The following SORCS2 variants were observed in gnomAD, a reference collection of about 807,000 sequenced individuals.
The protein encoded by SORCS2 is sortilin related VPS10 domain containing receptor 2.
Under a neutral mutation model 141.6 loss-of-function variants are expected in SORCS2, and 100 were observed. The ratio of observed to expected loss-of-function variants is 0.71; its 90% CI spans 0.60 to 0.83. The LOEUF is 0.83. Ranked by LOEUF, SORCS2 falls within the 40% of genes least tolerant of loss-of-function variation. SORCS2 has a pLI of 0.00. For synonymous variants in SORCS2, 789 were observed against 676.9 expected (o/e 1.17, Z -2.57); for missense variants, 1,646 against 1,560.2 (o/e 1.05, Z -0.93).
chr4:7,410,156 G>A (rs1356450452), intron 2 of SORCS2, among the ~76,000 whole-genome samples: 1 of 152,218 alleles, frequency 6.6e-6, no homozygotes, highest in Non-Finnish European at 1.5e-5. Context: ...GCTGTCCTGG[G>A]TATCACAGCA....
chr4:7,287,514 C>G (rs1448860697), intron 1 of SORCS2, among the ~76,000 whole-genome samples: 2 of 152,254 alleles, frequency 1.3e-5, no homozygotes, highest in Non-Finnish European at 2.9e-5. Context: ...CTTTTGGCAG[C>G]AGGAGCCCCT....
intron 1 of SORCS2, among the ~76,000 whole-genome samples, chr4:7,265,873 C>G (rs375723481): frequency 2.0e-5 from 3 of 152,250 alleles, no homozygotes; most frequent in South Asian, 4.1e-4. Flanking sequence ...GAGGGAGGGG[C>G]TGGCTCTGCT....
rs183920624 is a variant in SORCS2, at chr4:7,355,852, C to T, written c.481-40436C>T. Among the ~76,000 whole-genome samples, 215 of 152,360 alleles carry T rather than the reference C, an allele frequency of 1.4e-3. 1 individual carries two copies. The highest frequency in any genetic ancestry group is 4.8e-3 in the African/African-American group (198 of 41,596). On this transcript the variant is annotated intron_variant, in intron 1 of 26. Transcript: ENST00000507866. ...GCTGTGCTGCTTTTCTGAGTGAGAT[C>T]CAGGAATCAAGGGCCATGGGGCTTC...
intron 1 of SORCS2, among the ~76,000 whole-genome samples, chr4:7,338,482 G>C (rs1485002185): frequency 3.3e-5 from 5 of 152,212 alleles, no homozygotes; most frequent in African/African-American, 1.2e-4. Context: ...CCGCCGAACA[G>C]AGCCCATAGA....
At chr4:7,273,026 G>C (rs1715248023) in intron 1 of SORCS2, among the ~76,000 whole-genome samples, 1 of 152,242 alleles carries the variant, frequency 6.6e-6, no homozygotes, top group African/African-American at 2.4e-5. Context: ...AGGCTGCAGG[G>C]TTGTTTCTGA....
At chr4:7,584,535 C>G (rs766999190) in intron 3 of SORCS2, among the ~76,000 whole-genome samples, 1 of 152,162 alleles carries the variant, frequency 6.6e-6, no homozygotes, top group Non-Finnish European at 1.5e-5. Context: ...GGAACTTACC[C>G]AAGGTCGCAC....
intron 2 of SORCS2, among the ~76,000 whole-genome samples, chr4:7,414,851 T>G (rs1314873154): frequency 1.3e-5 from 2 of 152,168 alleles, no homozygotes; most frequent in Admixed American, 1.3e-4. Flanking sequence ...TGGTTGGTGT[T>G]GGTACCTTAT....
chr4:7,633,782 G>A lies in SORCS2; in HGVS notation c.649-4546G>A, dbSNP rs557509027. On this transcript the variant is annotated intron_variant, in intron 3 of 26. Coordinates refer to ENST00000507866, the MANE Select transcript of SORCS2 (RefSeq NM_020777.3). The stretch of plus-strand genomic sequence containing the variant: ...TGTTCATTCACTCATTCCTGCATGC[G>A]CTCCTTCATGTGTCCGTCAGGCGGG... 1.2e-3 allele frequency among the ~76,000 whole-genome samples: 146 copies of A among 124,452 alleles called. 16 individuals are homozygous for A. Among genetic ancestry groups the A allele is most frequent in the African/African-American group, 3.5e-3 (141 of 39,756 alleles). 81.6% of individuals were successfully genotyped at this position (124,452 alleles called of 152,430 possible).
At chr4:7,510,086 T>A (rs916804470) in intron 2 of SORCS2, among the ~76,000 whole-genome samples, 8 of 152,388 alleles carry the variant, frequency 5.2e-5, no homozygotes, top group African/African-American at 1.9e-4. Context: ...CTCGTTAGAA[T>A]GGACTCGATG....
intron 2 of SORCS2, among the ~76,000 whole-genome samples, chr4:7,454,554 C>G (rs1437421576): frequency 5.2e-5 from 6 of 114,768 alleles, no homozygotes; most frequent in Non-Finnish European, 7.1e-5. Context: ...GGGTCAGGCA[C>G]TGTGTTGGGG....
At chr4:7,621,434 TGTGTCTATGTGTGTGTCTGTGTGA>T (rs1301688607) in intron 3 of SORCS2, among the ~76,000 whole-genome samples, 9 of 150,652 alleles carry the variant, frequency 6.0e-5, no homozygotes, top group African/African-American at 2.2e-4. Context: ...TGTGTGAGTG[TGTGTCTATGTGTGTGTCTGTGTGA>T]GTGTTTATGT....
chr4:7,448,615 TTCCTTCC>T (rs1193877388), intron 2 of SORCS2, among the ~76,000 whole-genome samples: 4 of 134,472 alleles, frequency 3.0e-5, no homozygotes, highest in Non-Finnish European at 4.8e-5. Context: ...CCTTCCTTCC[TTCCTTCC>T]TTCCTTCCTT....
In SORCS2 at chr4:7,394,541, C is replaced by T. The variant is rs181619555; in HGVS notation, c.481-1747C>T. Among the ~76,000 whole-genome samples, 971 of 148,850 alleles carry T rather than the reference C, an allele frequency of 6.5e-3. 9 individuals are homozygous for T. The highest frequency in any genetic ancestry group is 0.022 in the African/African-American group (905 of 41,002). On this transcript the variant is annotated intron_variant, in intron 1 of 26. Transcript: ENST00000507866. ...GGCTGGGGGATTTGGGGAAGAGCAT[C>T]CCAGGGTGAGGAACGCCTTGTGCAA...
chr4:7,361,277 A>G (rs960381959), intron 1 of SORCS2, among the ~76,000 whole-genome samples: 2 of 152,232 alleles, frequency 1.3e-5, no homozygotes, highest in African/African-American at 4.8e-5. Flanking sequence ...TGTCAAGGCA[A>G]TGACTTTGAA....
At chr4:7,721,428 T>C (rs1726583608) in intron 18 of SORCS2, among the ~76,000 whole-genome samples, 1 of 152,112 alleles carries the variant, frequency 6.6e-6, no homozygotes, top group Admixed American at 6.6e-5. Context: ...ATCCCACCAC[T>C]GTACTCCAGC....
intron 1 of SORCS2, among the ~76,000 whole-genome samples, chr4:7,261,947 G>T (rs1714356970): frequency 6.6e-6 from 1 of 152,184 alleles, no homozygotes; most frequent in Non-Finnish European, 1.5e-5. Context: ...TTTGCCATTT[G>T]CATTTCATTC....
chr4:7,351,540 G>A (rs1225691627), intron 1 of SORCS2, among the ~76,000 whole-genome samples: 1 of 152,148 alleles, frequency 6.6e-6, no homozygotes, highest in East Asian at 1.9e-4. Flanking sequence ...CTGGACAACA[G>A]TTCTCTGGGT....
At chr4:7,640,197 TGA>T (rs386399183) in intron 4 of SORCS2, among the ~76,000 whole-genome samples, 94 of 147,558 alleles carry the variant, frequency 6.4e-4, no homozygotes, top group African/African-American at 2.0e-3. Flanking sequence ...TATGTGAGTG[TGA>T]GTGTGTACAT....
At chr4:7,594,725 T>G (rs1275348833) in intron 3 of SORCS2, among the ~76,000 whole-genome samples, 1 of 152,046 alleles carries the variant, frequency 6.6e-6, no homozygotes, top group Non-Finnish European at 1.5e-5. Context: ...TGTCTATGAG[T>G]GGGTGTCTTG....
Sources: allele counts gnomAD v4.1 joint callset (sites outside exome capture counted in the v4.1 genomes callset), GRCh38; gene constraint gnomAD v4.1.1; transcripts MANE v1.5; gene names NCBI Gene and HGNC (gene_info 2026-07-23, HGNC 2026-07-21).